The following LRRC59 variants were observed in gnomAD, a reference collection of about 807,000 sequenced individuals.
LRRC59 encodes the protein leucine rich repeat containing 59, also known as leucine-rich repeat-containing protein 59.
A neutral mutation model predicts 33.5 loss-of-function variants in LRRC59; 18 were observed. The ratio of observed to expected loss-of-function variants is 0.54; its 90% CI spans 0.37 to 0.80. The LOEUF is 0.80. Ranked by LOEUF, LRRC59 falls within the 30% of genes least tolerant of loss-of-function variation. The pLI, the probability that LRRC59 is intolerant of heterozygous loss-of-function variation, is 0.00. For synonymous variants in LRRC59, 138 were observed against 160.0 expected, an observed-to-expected ratio of 0.86 and a Z score of 1.04; for missense variants, 330 against 391.9, an observed-to-expected ratio of 0.84 and a Z score of 1.33.
rs186021713 is a variant in LRRC59 at position 50,394,922 on chromosome 17, A to T, written c.165+7T>A. On this transcript the variant is annotated splice_region_variant and intron_variant, in intron 2 of 6. Coordinates refer to ENST00000225972, the MANE Select transcript of LRRC59 (RefSeq NM_018509.4). ...CAGAAGGAGTCACGGCTGCATGCCA[A>T]TCTTACCGGTAGAGTAGTCAGTTTA... The T allele has an allele frequency of 1.7e-4, 265 of 1,592,842 alleles. No individual in the cohort carries two copies. The African/African-American group carries it at 3.4e-3, about 20-fold the overall frequency.
At chr17:50,395,073 A>C (rs1344692973) in intron 1 of LRRC59, 85 bp from the exon 2 acceptor site, 3 of 932,950 alleles carry the variant, frequency 3.2e-6, no homozygotes, top group Non-Finnish European at 5.2e-6. Flanking sequence ...TTTTCCAGAG[A>C]ATGTTCCCAT....
At chr17:50,389,377 A>G (rs1914087420) in intron 4 of LRRC59, among the ~76,000 whole-genome samples, 1 of 152,186 alleles carries the variant, frequency 6.6e-6, no homozygotes, top group South Asian at 2.1e-4. Context: ...TTGGAGCCCA[A>G]CGCAATCCTG....
rs11405361 is a variant in LRRC59 at position 50,395,356 on chromosome 17, CA to C, written c.106-369del. On this transcript the variant is annotated intron_variant, in intron 1 of 6. Coordinates refer to ENST00000225972, the MANE Select transcript of LRRC59 (RefSeq NM_018509.4). ...TGCACAACACAGTGAGACCCCATCT[CA>C]AAAAAAAAAAAAAAGAAAGGAAGGC... is the stretch of plus-strand genomic sequence containing the variant. Among the ~76,000 whole-genome samples the C allele has an allele frequency of 1.5e-3, 196 of 127,052 alleles. 1 individual carries two copies. Among genetic ancestry groups the C allele is most frequent in the African/African-American group, 3.8e-3 (126 of 33,360 alleles). 83.4% of individuals were successfully genotyped at this position (127,052 alleles called of 152,430 possible). A position where few individuals can be genotyped will look rare whatever the true frequency, so the allele number is the denominator to read the frequency against.
At chr17:50,389,809 G>C (rs1226130918) in intron 4 of LRRC59, among the ~76,000 whole-genome samples, 1 of 152,146 alleles carries the variant, frequency 6.6e-6, no homozygotes, top group African/African-American at 2.4e-5. Context: ...TCAAAAGCCT[G>C]GTTTGGGCCA....
intron 4 of LRRC59, among the ~76,000 whole-genome samples, chr17:50,388,403 C>T (rs1914061863): frequency 6.6e-6 from 1 of 152,126 alleles, no homozygotes; most frequent in Admixed American, 6.6e-5. Flanking sequence ...TGGCCAGGCA[C>T]AGCGGCAGAT....
chr17:50,389,185 C>T (rs1019644244), intron 4 of LRRC59, among the ~76,000 whole-genome samples: 20 of 152,218 alleles, frequency 1.3e-4, no homozygotes, highest in African/African-American at 4.8e-4. Context: ...GAGAAGCCTA[C>T]ACACAGCACA....
rs116114267 is a variant in LRRC59 at position 50,382,774 on chromosome 17, G to T, written c.*214C>A. The T allele has an allele frequency of 3.8e-3, 738 of 195,164 alleles. 5 individuals are homozygous for T. The highest frequency in any genetic ancestry group is 0.029 in the African/African-American group (692 of 24,238). The allele number at this position is 195,164 out of a possible 1,614,324, so 12.1% of individuals were successfully genotyped here. A position where few individuals can be genotyped will look rare whatever the true frequency, so the allele number is the denominator to read the frequency against. ...AGGCATGCAGGTAACTGCCCCCCACGCCCCCCCGCCACCTCCCATTTCTCC... is the reference window on the plus strand; with the variant it reads ...AGGCATGCAGGTAACTGCCCCCCACTCCCCCCCGCCACCTCCCATTTCTCC... On this transcript the variant is annotated 3_prime_UTR_variant, in exon 7 of 7. Coordinates refer to ENST00000225972, the MANE Select transcript of LRRC59 (RefSeq NM_018509.4).
rs1382825857 is a variant in LRRC59, at chr17:50,381,424, T to C, written c.*1564A>G. The C allele has an allele frequency of 6.1e-6, 1 of 162,890 alleles. No individual in the cohort carries two copies. Among genetic ancestry groups the C allele is most frequent in the Non-Finnish European group, 1.4e-5 (1 of 73,512 alleles). The allele number at this position is 162,890 out of a possible 1,614,324, so 10.1% of individuals were successfully genotyped here. A position where few individuals can be genotyped will look rare whatever the true frequency, so the allele number is the denominator to read the frequency against. On this transcript the variant is annotated 3_prime_UTR_variant, in exon 7 of 7. Coordinates refer to ENST00000225972, the MANE Select transcript of LRRC59 (RefSeq NM_018509.4). ...TGTCTTCATCTCATTGTGTGTATTA[T>C]GTATTTAGTTTCAATAAAGCATTTG... is the stretch of plus-strand genomic sequence containing the variant.
At position 50,397,398 on chromosome 17, in the gene LRRC59, C is replaced by A; in HGVS notation, c.-81G>T. On this transcript the variant is annotated 5_prime_UTR_variant, in exon 1 of 7. Transcript: ENST00000225972. ...GAAATGTCGCTTGTCAGTTCAGCGG[C>A]CCCCCACCCAAACGACGACGCCTGA... 9.2e-7 allele frequency: 1 copy of A among 1,090,176 alleles called. No individual in the cohort carries two copies. Among genetic ancestry groups the A allele is most frequent in the Admixed American group, 2.6e-5 (1 of 37,912 alleles). The allele number at this position is 1,090,176 out of a possible 1,614,324, so 67.5% of individuals were successfully genotyped here.
chr17:50,397,509 G>A lies in LRRC59; in HGVS notation c.-192C>T, dbSNP rs1038824379. 87 of 503,618 alleles carry A rather than the reference G, an allele frequency of 1.7e-4. No homozygotes were observed. The highest frequency in any genetic ancestry group is 1.7e-3 in the African/African-American group (84 of 49,216). The allele number at this position is 503,618 out of a possible 1,614,324, so 31.2% of individuals were successfully genotyped here. On this transcript the variant is annotated 5_prime_UTR_variant, in exon 1 of 7. Coordinates refer to ENST00000225972, the MANE Select transcript of LRRC59 (RefSeq NM_018509.4). ...GCCTAGCTCCCACCGGTGCCGCGAC[G>A]ACGACCACTTCCGTGTCCACGTCAC...
intron 6 of LRRC59, among the ~76,000 whole-genome samples, chr17:50,383,672 T>C (rs946612158): frequency 2.0e-5 from 3 of 152,244 alleles, no homozygotes; most frequent in African/African-American, 4.8e-5. Context: ...ATACACCATA[T>C]TGTAAGCAGT....
chr17:50,388,284 A>AC (rs1317109475), intron 4 of LRRC59, 152 bp from the exon 5 acceptor site: 27 of 682,750 alleles, frequency 4.0e-5, no homozygotes, highest in Non-Finnish European at 3.5e-5. Context: ...CACGCCTGTA[A>AC]CCCCAACACT....
At chr17:50,383,343 A>G in intron 6 of LRRC59, 108 bp from the exon 7 acceptor site, 2 of 1,357,478 alleles carry the variant, frequency 1.5e-6, no homozygotes, top group Non-Finnish European at 9.8e-7. Context: ...TCCTTCCTCA[A>G]GCAAAAACTC....
chr17:50,386,540 C>T (rs1034584243), intron 5 of LRRC59, among the ~76,000 whole-genome samples: 1 of 152,148 alleles, frequency 6.6e-6, no homozygotes. Context: ...TGTAGCTTTC[C>T]ACTGCTTCTC....
At position 50,394,780 on chromosome 17, in the gene LRRC59, C is replaced by T. The variant is rs1375774448; in HGVS notation, c.165+149G>A. 5.3e-6 allele frequency: 3 copies of T among 569,800 alleles called. No individual in the cohort carries two copies. Among genetic ancestry groups the T allele is most frequent in the African/African-American group, 3.8e-5 (2 of 53,236 alleles). 35.3% of individuals were successfully genotyped at this position (569,800 alleles called of 1,614,324 possible). A position where few individuals can be genotyped will look rare whatever the true frequency, so the allele number is the denominator to read the frequency against. On this transcript the variant is annotated intron_variant, in intron 2 of 6. Transcript: ENST00000225972. The stretch of plus-strand genomic sequence containing the variant: ...ACCACTCCATTCCACTGTGCCTCCC[C>T]TACACACTCAGATTTAGCTATAGCC...
At chr17:50,396,426 G>A (rs1598371802) in intron 1 of LRRC59, 1 of 152,406 alleles carries the variant, frequency 6.6e-6, no homozygotes, top group Middle Eastern at 3.4e-3. Context: ...CCCGTCCACG[G>A]TGGAAGAAAG....
At position 50,388,104 on chromosome 17, in the gene LRRC59, G is replaced by C; in HGVS notation, c.458C>G (p.Ala153Gly). The C allele has an allele frequency of 1.9e-6, 3 of 1,614,188 alleles. No individual in the cohort carries two copies. The highest frequency in any genetic ancestry group is 2.5e-6 in the Non-Finnish European group (3 of 1,180,038). The change falls in exon 5 of 7, where the codon GCA (alanine) becomes GGA (glycine). Residue 153 changes from alanine (A) to glycine (G), a missense_variant. Transcript: ENST00000225972. ...CCGCTGCCTCTCCCGCTCCTGATCT[G>C]CCTGCACGGCCTTCATGTGCTGTAA... is the stretch of plus-strand genomic sequence containing the variant. ...KVLQHMKAVQ[A>G]DQERERQRRL...
In LRRC59 at chr17:50,382,774, GC is replaced by G. The variant is rs1466478300; in HGVS notation, c.*213del. The G allele has an allele frequency of 5.1e-5, 10 of 195,130 alleles. No individual in the cohort carries two copies. The highest frequency in any genetic ancestry group is 4.0e-4 in the East Asian group (4 of 10,066). The allele number at this position is 195,130 out of a possible 1,614,324, so 12.1% of individuals were successfully genotyped here. ...AGGCATGCAGGTAACTGCCCCCCAC[GC>G]CCCCCCGCCACCTCCCATTTCTCCT... On this transcript the variant is annotated 3_prime_UTR_variant, in exon 7 of 7. Coordinates refer to ENST00000225972, the MANE Select transcript of LRRC59 (RefSeq NM_018509.4).
chr17:50,382,881 A>C lies in LRRC59; in HGVS notation c.*107T>G. On this transcript the variant is annotated 3_prime_UTR_variant, in exon 7 of 7. Coordinates refer to ENST00000225972, the MANE Select transcript of LRRC59 (RefSeq NM_018509.4). Reference sequence around the variant, plus strand: ...TCATGTACCAATCTGCAGCCATTTGATGATGGCAGGTAGGTCTGATGCTAA... The same window carrying C: ...TCATGTACCAATCTGCAGCCATTTGCTGATGGCAGGTAGGTCTGATGCTAA... 7.2e-7 allele frequency: 1 copy of C among 1,381,966 alleles called. No individual in the cohort carries two copies. Among genetic ancestry groups the C allele is most frequent in the Non-Finnish European group, 9.8e-7 (1 of 1,016,144 alleles). 85.6% of individuals were successfully genotyped at this position (1,381,966 alleles called of 1,614,324 possible). A position where few individuals can be genotyped will look rare whatever the true frequency, so the allele number is the denominator to read the frequency against.
Sources: allele counts gnomAD v4.1 joint callset (sites outside exome capture counted in the v4.1 genomes callset), GRCh38; gene constraint gnomAD v4.1.1; transcripts MANE v1.5; gene names NCBI Gene and HGNC (gene_info 2026-07-23, HGNC 2026-07-21).